The following ZBTB5 variants were observed in gnomAD, a reference collection of about 807,000 sequenced individuals.
The protein encoded by ZBTB5 is zinc finger and BTB domain-containing protein 5.
Under a neutral mutation model 37.9 loss-of-function variants are expected in ZBTB5, and 15 were observed. The ratio of observed to expected loss-of-function variants is 0.40; its 90% confidence interval spans 0.26 to 0.61. The LOEUF is 0.61. Ranked by LOEUF, ZBTB5 falls within the 20% of genes least tolerant of loss-of-function variation. The pLI is 0.47. For synonymous variants in ZBTB5, 315 were observed against 312.4 expected (o/e 1.01, Z -0.09); for missense variants, 708 against 856.8 (o/e 0.83, Z 2.17).
intron 1 of ZBTB5, among the ~76,000 whole-genome samples, chr9:37,456,991 C>T (rs986087606): frequency 5.3e-5 from 8 of 152,082 alleles, no homozygotes; most frequent in African/African-American, 1.4e-4. Context: ...GTCTTTTGTT[C>T]GAAACAAAAT....
rs1235613630 is a variant in ZBTB5 at position 37,440,472 on chromosome 9, T to C, written c.*46A>G. ...GGCATTAACTGCTTACCAAAAGAAA[T>C]TCAGTCTGACAACTGGCCTCAGCGT... On this transcript the variant is annotated 3_prime_UTR_variant, in exon 2 of 2. Coordinates refer to ENST00000307750, the MANE Select transcript of ZBTB5 (RefSeq NM_014872.3). 20 of 1,570,938 alleles carry C rather than the reference T, an allele frequency of 1.3e-5. No individual in the cohort carries two copies. Among genetic ancestry groups the C allele is most frequent in the Non-Finnish European group, 1.7e-5 (20 of 1,149,382 alleles).
intron 1 of ZBTB5, among the ~76,000 whole-genome samples, chr9:37,456,905 C>G (rs918601888): frequency 5.9e-5 from 9 of 152,236 alleles, no homozygotes; most frequent in African/African-American, 1.7e-4. Flanking sequence ...GAAAAAGTCT[C>G]AGAATATCCA....
At chr9:37,458,111 A>G (rs1263779969) in intron 1 of ZBTB5, among the ~76,000 whole-genome samples, 3 of 152,260 alleles carry the variant, frequency 2.0e-5, no homozygotes, top group African/African-American at 7.2e-5. Context: ...TATTAGTTTG[A>G]TCATGGAATT....
chr9:37,452,867 G>A (rs1824127117), intron 1 of ZBTB5, among the ~76,000 whole-genome samples: 1 of 152,164 alleles, frequency 6.6e-6, no homozygotes, highest in African/African-American at 2.4e-5. Context: ...GTCACCCAAA[G>A]ACAGTCCTCA....
intron 1 of ZBTB5, among the ~76,000 whole-genome samples, chr9:37,464,842 G>A (rs1353972874): frequency 6.6e-6 from 1 of 152,216 alleles, no homozygotes; most frequent in Non-Finnish European, 1.5e-5. Flanking sequence ...CAGGATGGGG[G>A]CAAGGGAGCC....
rs1488158982 is a variant in ZBTB5, at chr9:37,441,014, A to G, written c.1538T>C (p.Leu513Pro). ...GMDFSRSGLG[L>P]HSSFSRVMIG... ...CATTACCCTGGAGAAGGAGGAGTGG[A>G]GGCCCAAACCAGACCTGGAAAAGTC... Residue 513 changes from leucine to proline, a missense_variant, in exon 2 of 2, where the codon CTC becomes CCC. Coordinates refer to ENST00000307750, the MANE Select transcript of ZBTB5 (RefSeq NM_014872.3). 1 of 1,614,154 alleles carries G rather than the reference A, an allele frequency of 6.2e-7. No individual in the cohort carries two copies. Among genetic ancestry groups the G allele is most frequent in the South Asian group, 1.1e-5 (1 of 91,078 alleles).
At chr9:37,459,099 C>A (rs939066868) in intron 1 of ZBTB5, among the ~76,000 whole-genome samples, 3 of 152,122 alleles carry the variant, frequency 2.0e-5, no homozygotes, top group Non-Finnish European at 4.4e-5. Context: ...AATGCAGAAG[C>A]ATTTAATGGA....
chr9:37,454,566 C>A (rs1216641212), intron 1 of ZBTB5, among the ~76,000 whole-genome samples: 1 of 152,202 alleles, frequency 6.6e-6, no homozygotes, highest in Non-Finnish European at 1.5e-5. Flanking sequence ...TAAGAAAATA[C>A]ACTCTCATTA....
intron 1 of ZBTB5, among the ~76,000 whole-genome samples, chr9:37,460,933 GA>G (rs1467238623): frequency 1.8e-4 from 27 of 152,072 alleles, no homozygotes; most frequent in Non-Finnish European, 3.8e-4. Context: ...TGAAAACTAT[GA>G]CAAAGCTTTG....
At chr9:37,456,778 C>G (rs1824194884) in intron 1 of ZBTB5, among the ~76,000 whole-genome samples, 1 of 152,196 alleles carries the variant, frequency 6.6e-6, no homozygotes, top group South Asian at 2.1e-4. Flanking sequence ...ACATAAAATA[C>G]TCAGTAAATT....
intron 1 of ZBTB5, among the ~76,000 whole-genome samples, chr9:37,457,469 TTCC>T (rs1824212760): frequency 6.6e-6 from 1 of 152,178 alleles, no homozygotes; most frequent in Admixed American, 6.5e-5. Context: ...GGCTCAGGTA[TTCC>T]TCCTACCTTG....
At position 37,465,292 on chromosome 9, in the gene ZBTB5, G is replaced by C. The variant is rs547359135; in HGVS notation, c.-82C>G. ...TCCGATCGGACTCGGCAGTGTCAGA[G>C]GAGGTGGGAACGTCCTGACCAGCGT... On this transcript the variant is annotated 5_prime_UTR_variant, in exon 1 of 2. Coordinates refer to ENST00000307750, the MANE Select transcript of ZBTB5 (RefSeq NM_014872.3). The C allele has an allele frequency of 6.6e-6, 1 of 152,208 alleles. No individual in the cohort carries two copies. Among genetic ancestry groups the C allele is most frequent in the Non-Finnish European group, 1.5e-5 (1 of 68,076 alleles). The allele number at this position is 152,208 out of a possible 1,614,324, so 9.4% of individuals were successfully genotyped here.
Position 37,440,871 on chromosome 9 carries a change from G to A in ZBTB5, c.1681C>T (p.Gln561Ter). 6.2e-7 allele frequency: 1 copy of A among 1,614,188 alleles called. No individual in the cohort carries two copies. Among genetic ancestry groups the A allele is most frequent in the Non-Finnish European group, 8.5e-7 (1 of 1,180,030 alleles). Reference protein sequence around the residue: ...SQIPENSTSSQLMMNGATSSF... With the variant: ...SQIPENSTSS ...GACGTAGCTCCATTCATCATTAGCT[G>A]AGAACTGGTAGAGTTTTCTGGGATC... Residue 561 changes from glutamine (Q) to a stop codon, truncating the protein, a stop_gained, in exon 2 of 2, where the codon CAG (glutamine) becomes TAG (stop). Transcript: ENST00000307750. LOFTEE classifies it high-confidence loss of function.
chr9:37,440,412 A>G lies in ZBTB5; in HGVS notation c.*106T>C, dbSNP rs1823841169. On this transcript the variant is annotated 3_prime_UTR_variant, in exon 2 of 2. Transcript: ENST00000307750. ...CGGTTATTAGTTGCTAAACTGTTTA[A>G]GAGCCACTGGGCAGCTGGAAGCCTC... The G allele has an allele frequency of 5.6e-6, 5 of 885,344 alleles. No homozygotes were observed. The highest frequency in any genetic ancestry group is 8.6e-6 in the Non-Finnish European group (5 of 584,454). The allele number at this position is 885,344 out of a possible 1,614,324, so 54.8% of individuals were successfully genotyped here. A position where few individuals can be genotyped will look rare whatever the true frequency, so the allele number is the denominator to read the frequency against.
rs1823847649 is a variant in ZBTB5, at chr9:37,440,620, C to T, written c.1932G>A (p.Leu644=). The part of the protein sequence containing the change: ...VHTGEKPYAC[L]KCGKRFSQSS... ...ACTGACTAAACCTCTTGCCACACTT[C>T]AGGCAGGCGTAAGGCTTTTCACCTG... Residue 644 remains leucine (L), a synonymous_variant, in exon 2 of 2, where the codon CTG becomes CTA. Transcript: ENST00000307750. The T allele has an allele frequency of 6.2e-7, 1 of 1,614,138 alleles. No individual in the cohort carries two copies. The highest frequency in any genetic ancestry group is 1.3e-5 in the African/African-American group (1 of 74,950).
intron 1 of ZBTB5, among the ~76,000 whole-genome samples, chr9:37,453,191 C>G (rs1824132055): frequency 2.6e-5 from 4 of 152,192 alleles, no homozygotes; most frequent in East Asian, 3.9e-4. Context: ...CTGTCTGTCT[C>G]TCTCTCTCTT....
At chr9:37,446,956 T>C (rs146562579) in intron 1 of ZBTB5, among the ~76,000 whole-genome samples, 9 of 152,318 alleles carry the variant, frequency 5.9e-5, no homozygotes, top group Admixed American at 1.3e-4. Context: ...TAAGCGACCA[T>C]GGAAGCTTGG....
chr9:37,463,417 A>T (rs1017534581), intron 1 of ZBTB5, among the ~76,000 whole-genome samples: 2 of 151,396 alleles, frequency 1.3e-5, no homozygotes, highest in Non-Finnish European at 2.9e-5. Context: ...AATTTACATT[A>T]AAAAAAAAGT....
At chr9:37,464,749 C>G (rs1397006524) in intron 1 of ZBTB5, among the ~76,000 whole-genome samples, 1 of 152,242 alleles carries the variant, frequency 6.6e-6, no homozygotes, top group African/African-American at 2.4e-5. Flanking sequence ...CTGGCTCCAC[C>G]CCTCCAGGGT....
Sources: allele counts gnomAD v4.1 joint callset (sites outside exome capture counted in the v4.1 genomes callset), GRCh38; gene constraint gnomAD v4.1.1; transcripts MANE v1.5; gene names NCBI Gene and HGNC (gene_info 2026-07-23, HGNC 2026-07-21).